The following FOXK2 variants were observed in gnomAD, a reference collection of about 807,000 sequenced individuals.
FOXK2 encodes forkhead box protein K2.
FOXK2 carries 24 observed loss-of-function variants against 53.3 expected under a neutral mutation model. The observed-to-expected ratio is 0.45, with a 90% confidence interval of 0.33 to 0.63. FOXK2 has a LOEUF of 0.63. Ranked by LOEUF, FOXK2 falls within the 30% of genes least tolerant of loss-of-function variation. The probability of loss-of-function intolerance (pLI) is 0.03; values close to 1 mark genes in which losing one functional copy is unlikely to be tolerated. For synonymous variants in FOXK2, 505 were observed against 407.1 expected, an observed-to-expected ratio of 1.24 and a Z score of -2.89; for missense variants, 952 against 910.5, an observed-to-expected ratio of 1.05 and a Z score of -0.59.
chr17:82,532,299 C>A (rs2044479676), intron 1 of FOXK2, among the ~76,000 whole-genome samples: 1 of 151,570 alleles, frequency 6.6e-6, no homozygotes, highest in Non-Finnish European at 1.5e-5. Flanking sequence ...CACCCGAGAC[C>A]AGCCCAGCTA....
intron 8 of FOXK2, 44 bp downstream of exon 8, chr17:82,587,316 G>A (rs1042795571): frequency 2.8e-6 from 4 of 1,448,540 alleles, no homozygotes; most frequent in African/African-American, 2.8e-5. Flanking sequence ...GTGGGTACTG[G>A]GAGCAGAGCC....
In FOXK2 at chr17:82,587,068, G is replaced by A. The variant is rs1413615799; in HGVS notation, c.1582G>A (p.Val528Ile). 12 of 1,608,410 alleles carry A rather than the reference G, an allele frequency of 7.5e-6. No homozygotes were observed. The highest frequency in any genetic ancestry group is 1.1e-5 in the South Asian group (1 of 90,974). Residue 528 changes from valine (V) to isoleucine (I), a missense_variant, in exon 8 of 9, where the codon GTA (valine) becomes ATA (isoleucine). By Grantham distance (29) the Val-to-Ile change is conservative (BLOSUM62 3). Around this residue, in one of 5 missense-constraint regions of FOXK2, gnomAD observed 551 missense variants for 385.1 expected, o/e 1.43. Coordinates refer to ENST00000335255, the MANE Select transcript of FOXK2 (RefSeq NM_004514.4). ...NGDHREVKVK[V>I]EPIPAIGHAT... ...TTCTTTTCCTTTAATTTCAGTGAAA[G>A]TAGAGCCTATTCCCGCCATTGGCCA... is the stretch of plus-strand genomic sequence containing the variant.
At chr17:82,573,601 A>C (rs898302526) in intron 4 of FOXK2, among the ~76,000 whole-genome samples, 23 of 122,520 alleles carry the variant, frequency 1.9e-4, no homozygotes, top group Non-Finnish European at 3.3e-4. Context: ...CACACACACA[A>C]CCAGATAATA....
intron 8 of FOXK2, chr17:82,596,190 A>C (rs2045308528): frequency 2.0e-6 from 2 of 995,238 alleles, no homozygotes; most frequent in Non-Finnish European, 2.4e-6. Flanking sequence ...CACCAACTGC[A>C]GGTCAGTTCC....
intron 4 of FOXK2, chr17:82,576,616 G>C (rs1192199767): frequency 1.8e-6 from 2 of 1,095,504 alleles, no homozygotes; most frequent in Non-Finnish European, 2.8e-6. Context: ...AGGACCCAGT[G>C]CCGCAGATTG....
intron 1 of FOXK2, among the ~76,000 whole-genome samples, chr17:82,562,839 C>T (rs960574426): frequency 6.7e-6 from 1 of 150,166 alleles, no homozygotes; most frequent in African/African-American, 2.5e-5. Context: ...GGAGACAGGG[C>T]CTCTTGCTCA....
Position 82,582,952 on chromosome 17 carries a change from C to T in FOXK2, c.1103+18C>T, listed in dbSNP as rs550652670. 1.3e-6 allele frequency: 2 copies of T among 1,520,546 alleles called. No homozygotes were observed. The highest frequency in any genetic ancestry group is 2.5e-5 in the South Asian group (2 of 79,148). The allele number at this position is 1,520,546 out of a possible 1,614,324, so 94.2% of individuals were successfully genotyped here. ...TCTTCTAGGTAAGGAAAAAGAAGAA[C>T]AAAAGGCCTCACTTCGTGCTTACTA... On this transcript the variant is annotated intron_variant, in intron 5 of 8. Transcript: ENST00000335255.
intron 6 of FOXK2, among the ~76,000 whole-genome samples, chr17:82,585,008 T>A (rs1164634261): frequency 6.6e-6 from 1 of 152,266 alleles, no homozygotes; most frequent in African/African-American, 2.4e-5. Context: ...AATTGGGTCA[T>A]TTGGGATTCC....
intron 1 of FOXK2, among the ~76,000 whole-genome samples, chr17:82,539,517 C>T (rs992733284): frequency 1.3e-5 from 2 of 151,980 alleles, no homozygotes; most frequent in South Asian, 2.1e-4. Flanking sequence ...TGTATGGTGG[C>T]ACATGCCTGT....
At chr17:82,555,659 C>T (rs1452439265) in intron 1 of FOXK2, among the ~76,000 whole-genome samples, 5 of 149,052 alleles carry the variant, frequency 3.4e-5, no homozygotes, top group Non-Finnish European at 5.9e-5. Flanking sequence ...CTGAGGCGGG[C>T]GGATCACAAG....
At chr17:82,583,190 T>C (rs1404760077) in intron 5 of FOXK2, among the ~76,000 whole-genome samples, 3 of 152,254 alleles carry the variant, frequency 2.0e-5, no homozygotes, top group East Asian at 1.9e-4. Context: ...CATCGCATGT[T>C]GTTCATACCA....
At chr17:82,527,454 C>T (rs940153802) in intron 1 of FOXK2, among the ~76,000 whole-genome samples, 1 of 152,010 alleles carries the variant, frequency 6.6e-6, no homozygotes, top group Non-Finnish European at 1.5e-5. Flanking sequence ...CATGGCGAAA[C>T]TCCGACTCTA....
chr17:82,586,964 A>T (rs2045184932), intron 7 of FOXK2, 99 bp from the exon 8 acceptor site: 13 of 1,043,850 alleles, frequency 1.2e-5, no homozygotes. Flanking sequence ...GACATTTTCT[A>T]GCAGGTGTGA....
At chr17:82,546,113 G>GTTTTTT (rs1282305641) in intron 1 of FOXK2, among the ~76,000 whole-genome samples, 6 of 97,970 alleles carry the variant, frequency 6.1e-5, no homozygotes, top group East Asian at 6.3e-4. Flanking sequence ...AAGCATGGTT[G>GTTTTTT]GTTTTTTTTT....
intron 1 of FOXK2, among the ~76,000 whole-genome samples, chr17:82,557,849 TG>T (rs2044748530): frequency 6.6e-6 from 1 of 152,058 alleles, no homozygotes; most frequent in African/African-American, 2.4e-5. Context: ...GTGGGGGTCT[TG>T]CTATGTTACT....
At chr17:82,540,155 C>T (rs568272334) in intron 1 of FOXK2, among the ~76,000 whole-genome samples, 2 of 152,106 alleles carry the variant, frequency 1.3e-5, no homozygotes, top group South Asian at 2.1e-4. Flanking sequence ...ATGGCGGATG[C>T]CTGTAATCCT....
chr17:82,596,165 G>C, intron 8 of FOXK2: 1 of 1,015,406 alleles, frequency 9.8e-7, no homozygotes, highest in Non-Finnish European at 1.2e-6. Flanking sequence ...GTGGTCACGG[G>C]GTTTGCCCAG....
At chr17:82,531,515 T>C (rs979936731) in intron 1 of FOXK2, among the ~76,000 whole-genome samples, 1 of 152,164 alleles carries the variant, frequency 6.6e-6, no homozygotes, top group African/African-American at 2.4e-5. Context: ...TAGAGCATAC[T>C]TGTACAAGCC....
chr17:82,572,411 C>T (rs910260943), intron 4 of FOXK2, among the ~76,000 whole-genome samples: 2 of 152,086 alleles, frequency 1.3e-5, no homozygotes, highest in South Asian at 4.2e-4. Context: ...CCCACCTGGT[C>T]GTGGAACCCC....
Sources: allele counts gnomAD v4.1 joint callset (sites outside exome capture counted in the v4.1 genomes callset), GRCh38; gene constraint gnomAD v4.1.1; regional missense constraint gnomAD v4.1.1; transcripts MANE v1.5; gene names NCBI Gene and HGNC (gene_info 2026-07-23, HGNC 2026-07-21).